Variants in CNTNAP2 observed in about 807,000 individuals in gnomAD.
CNTNAP2 encodes the protein contactin-associated protein-like 2.
Under a neutral mutation model 155.2 loss-of-function variants are expected in CNTNAP2, and 98 were observed. That is an observed-to-expected ratio of 0.63 (90% confidence interval 0.54 to 0.75). The LOEUF (loss-of-function observed/expected upper bound fraction) is 0.75, where lower values mean the gene tolerates loss of function less well. Among genes scored for constraint, CNTNAP2 ranks in the 30% least tolerant of loss-of-function variants. The pLI, the probability that CNTNAP2 is intolerant of heterozygous loss-of-function variation, is 0.00. For missense variants in CNTNAP2, 1,727 were observed against 1,688.1 expected, an observed-to-expected ratio of 1.02 and a Z score of -0.40; for synonymous variants, 651 against 631.2, an observed-to-expected ratio of 1.03 and a Z score of -0.47.
intron 15 of CNTNAP2, among the ~76,000 whole-genome samples, chr7:148,048,052 T>G (rs1282256529): frequency 6.6e-6 from 1 of 152,098 alleles, no homozygotes; most frequent in African/African-American, 2.4e-5. Flanking sequence ...GCCTCCCCAG[T>G]AGCTGGGACT....
intron 1 of CNTNAP2, among the ~76,000 whole-genome samples, chr7:146,478,037 G>A (rs1796905244): frequency 1.3e-5 from 2 of 152,160 alleles, no homozygotes; most frequent in South Asian, 2.1e-4. Context: ...CAGACAGAGA[G>A]TTGGTTTGGG....
chr7:147,713,346 A>G (rs962651727), intron 13 of CNTNAP2, among the ~76,000 whole-genome samples: 2 of 152,156 alleles, frequency 1.3e-5, no homozygotes, highest in African/African-American at 4.8e-5. Context: ...ACCTGCAGCC[A>G]CTGATAACCT....
At chr7:147,292,230 A>G (rs1805329979) in intron 8 of CNTNAP2, among the ~76,000 whole-genome samples, 1 of 152,178 alleles carries the variant, frequency 6.6e-6, no homozygotes, top group Non-Finnish European at 1.5e-5. Flanking sequence ...AGTAGAAGTC[A>G]AAAATACATC....
At chr7:146,938,060 G>T (rs964404070) in intron 3 of CNTNAP2, among the ~76,000 whole-genome samples, 12 of 152,160 alleles carry the variant, frequency 7.9e-5, no homozygotes, top group Non-Finnish European at 4.4e-5. Flanking sequence ...CATCTGGTCT[G>T]AGTTAGGTAC....
intron 15 of CNTNAP2, among the ~76,000 whole-genome samples, chr7:148,029,668 T>C (rs1402896035): frequency 6.6e-6 from 1 of 152,192 alleles, no homozygotes; most frequent in Non-Finnish European, 1.5e-5. Context: ...ATTACAATTT[T>C]AAACCTGCGA....
intron 1 of CNTNAP2, among the ~76,000 whole-genome samples, chr7:146,694,970 G>C (rs1800757718): frequency 6.6e-6 from 1 of 152,078 alleles, no homozygotes; most frequent in African/African-American, 2.4e-5. Context: ...TTAGTTAATT[G>C]TTCCTGGAAC....
chr7:148,171,737 C>T (rs1410307269), intron 17 of CNTNAP2, among the ~76,000 whole-genome samples: 1 of 152,212 alleles, frequency 6.6e-6, no homozygotes, highest in Non-Finnish European at 1.5e-5. Context: ...GTAGTCTTGA[C>T]ATGAACTTAA....
chr7:146,977,503 C>A (rs569418934), intron 3 of CNTNAP2, among the ~76,000 whole-genome samples: 10 of 152,224 alleles, frequency 6.6e-5, no homozygotes, highest in South Asian at 4.2e-4. Flanking sequence ...GGCCTATTAG[C>A]CCTTTTTGCC....
At chr7:148,016,710 C>A (rs12671605) in intron 15 of CNTNAP2, among the ~76,000 whole-genome samples, 2 of 152,034 alleles carry the variant, frequency 1.3e-5, no homozygotes, top group African/African-American at 4.8e-5. Flanking sequence ...GCTAACATTT[C>A]GGTGTATTGG....
At chr7:146,721,316 AT>A (rs1457130536) in intron 1 of CNTNAP2, among the ~76,000 whole-genome samples, 1 of 126,328 alleles carries the variant, frequency 7.9e-6, no homozygotes, top group Non-Finnish European at 1.6e-5. Context: ...TTCTATATAT[AT>A]TCTATATATA....
intron 1 of CNTNAP2, among the ~76,000 whole-genome samples, chr7:146,559,162 G>C (rs1798243605): frequency 6.6e-6 from 1 of 151,958 alleles, no homozygotes; most frequent in South Asian, 2.1e-4. Flanking sequence ...AAGAGAGTAG[G>C]TTTCAAATAC....
intron 13 of CNTNAP2, among the ~76,000 whole-genome samples, chr7:147,865,947 T>A (rs2116693683): frequency 6.6e-6 from 1 of 152,306 alleles, no homozygotes; most frequent in African/African-American, 2.4e-5. Flanking sequence ...ATCTTAGTTA[T>A]TTCTTGCCTT....
chr7:146,289,514 G>A (rs1310017143), intron 1 of CNTNAP2, among the ~76,000 whole-genome samples: 1 of 152,116 alleles, frequency 6.6e-6, no homozygotes, highest in African/African-American at 2.4e-5. Flanking sequence ...ATTATTTAAA[G>A]AGTGCTATAG....
At chr7:147,706,012 T>G (rs1176392495) in intron 13 of CNTNAP2, among the ~76,000 whole-genome samples, 1 of 152,042 alleles carries the variant, frequency 6.6e-6, no homozygotes, top group Non-Finnish European at 1.5e-5. Context: ...CCAGTCCATA[T>G]CTTTTAAGTG....
intron 1 of CNTNAP2, among the ~76,000 whole-genome samples, chr7:146,582,463 T>C (rs1354163546): frequency 6.6e-6 from 1 of 152,102 alleles, no homozygotes; most frequent in Non-Finnish European, 1.5e-5. Context: ...CTATAACTGC[T>C]GATAATAAGG....
intron 1 of CNTNAP2, among the ~76,000 whole-genome samples, chr7:146,233,812 T>C (rs1012446091): frequency 2.0e-5 from 3 of 151,860 alleles, no homozygotes; most frequent in Admixed American, 2.0e-4. Flanking sequence ...TTTTTATGGC[T>C]GCATAGTATT....
At chr7:146,239,587 A>G (rs1388226533) in intron 1 of CNTNAP2, among the ~76,000 whole-genome samples, 1 of 152,186 alleles carries the variant, frequency 6.6e-6, no homozygotes, top group Non-Finnish European at 1.5e-5. Flanking sequence ...AGCCTACCTC[A>G]GTGCTGTGTT....
chr7:146,161,152 C>A (rs996947263), intron 1 of CNTNAP2, among the ~76,000 whole-genome samples: 1 of 152,126 alleles, frequency 6.6e-6, no homozygotes, highest in South Asian at 2.1e-4. Context: ...ATTCAACAGC[C>A]CTTCATGCTA....
intron 13 of CNTNAP2, among the ~76,000 whole-genome samples, chr7:147,784,493 TAATATATATATA>T: frequency 2.1e-5 from 1 of 48,104 alleles, no homozygotes; most frequent in African/African-American, 6.9e-5. Flanking sequence ...GGCTCTGGAC[TAATATATATATA>T]TATATATATA....
Sources: allele counts gnomAD v4.1 joint callset (sites outside exome capture counted in the v4.1 genomes callset), GRCh38; gene constraint gnomAD v4.1.1; transcripts MANE v1.5; gene names NCBI Gene and HGNC (gene_info 2026-07-23, HGNC 2026-07-21).